CAMSAP1: variants seen among roughly 807,000 people sequenced by gnomAD.
CAMSAP1 encodes the protein calmodulin-regulated spectrin-associated protein 1.
In CAMSAP1, 58 loss-of-function variants were observed where a neutral mutation model predicts 143.5. The observed-to-expected ratio is 0.40, with a 90% confidence interval of 0.33 to 0.50. The LOEUF (loss-of-function observed/expected upper bound fraction) is 0.50. Among genes scored for constraint, CAMSAP1 ranks in the 20% least tolerant of loss-of-function variants. The pLI is 0.45. For missense variants in CAMSAP1, 1,969 were observed against 2,115.7 expected (o/e 0.93, Z 1.36); for synonymous variants, 945 against 859.3 (o/e 1.10, Z -1.74).
intron 4 of CAMSAP1, chr9:135,865,256 G>T: frequency 7.1e-7 from 1 of 1,408,854 alleles, no homozygotes; most frequent in Non-Finnish European, 9.8e-7. Flanking sequence ...TTGGGTGCGA[G>T]CAGTTTTTAA....
At chr9:135,877,154 C>T (rs1028164554) in intron 3 of CAMSAP1, among the ~76,000 whole-genome samples, 4 of 152,090 alleles carry the variant, frequency 2.6e-5, no homozygotes, top group Non-Finnish European at 4.4e-5. Context: ...TGGAACTCTA[C>T]CAAGCACCGA....
intron 1 of CAMSAP1, among the ~76,000 whole-genome samples, chr9:135,894,294 G>A (rs921832614): frequency 6.6e-6 from 1 of 152,124 alleles, no homozygotes; most frequent in African/African-American, 2.4e-5. Flanking sequence ...ACCTGGCCTA[G>A]GAGGCACTCT....
Position 135,837,031 on chromosome 9 carries a change from CAT to C in CAMSAP1, c.1046-9449_1046-9448del, listed in dbSNP as rs541946648. ...TGTTCTAGAGACACACGTCACCACA[CAT>C]GTTCTAGAGACACACATCATCATGC... On this transcript the variant is annotated intron_variant, in intron 7 of 16. Transcript: ENST00000389532. 1.2e-3 allele frequency: 948 copies of C among 809,908 alleles called. 5 individuals are homozygous for C. The highest frequency in any genetic ancestry group is 0.011 in the South Asian group (198 of 17,564). 50.2% of individuals were successfully genotyped at this position (809,908 alleles called of 1,614,324 possible).
chr9:135,869,271 A>G (rs1015223858), intron 3 of CAMSAP1, among the ~76,000 whole-genome samples: 5 of 151,840 alleles, frequency 3.3e-5, no homozygotes, highest in Non-Finnish European at 7.4e-5. Flanking sequence ...GGGAGGCTGA[A>G]GCAGATGGAG....
rs766665362 is a variant in CAMSAP1, at chr9:135,818,985, C to T, written c.3959+25G>A. 10 of 1,601,098 alleles carry T rather than the reference C, an allele frequency of 6.2e-6. No individual in the cohort carries two copies. Among genetic ancestry groups the T allele is most frequent in the Admixed American group, 3.4e-5 (2 of 59,584 alleles). On this transcript the variant is annotated intron_variant, in intron 12 of 16. Transcript: ENST00000389532. The surrounding 1 kb of genome is among the most constrained non-coding windows in gnomAD (Gnocchi z 7.7). ...ACCCACCAGGCTCCTGCTCAGTCTG[C>T]TTTCCCCCCCGGCGGGACGCTTACC...
chr9:135,814,263 C>T (rs181380984), intron 16 of CAMSAP1, among the ~76,000 whole-genome samples: 105 of 152,266 alleles, frequency 6.9e-4, no homozygotes, highest in African/African-American at 2.2e-3. Flanking sequence ...TCAGAAATTC[C>T]GTATGTCACT....
At chr9:135,816,058 A>G in intron 14 of CAMSAP1, 53 bp from the exon 15 acceptor site, 2 of 1,547,018 alleles carry the variant, frequency 1.3e-6, no homozygotes, top group Non-Finnish European at 8.9e-7. Flanking sequence ...GCTTCCTCTC[A>G]CCACTGCTGG....
chr9:135,821,250 A>C lies in CAMSAP1; in HGVS notation c.3411T>G (p.Pro1137=). 2 of 1,608,694 alleles carry C rather than the reference A, an allele frequency of 1.2e-6. No homozygotes were observed. Among genetic ancestry groups the C allele is most frequent in the Non-Finnish European group, 1.7e-6 (2 of 1,179,732 alleles). ...TGGGCGTCCGAGGGTGGCTGCTGGC[A>C]GGGAAGGGTCTCAAGTGCGGGAGCG... is the stretch of plus-strand genomic sequence containing the variant. ...VETLPHLRPF[P]ASSHPRTPTD... The change falls in exon 11 of 17, where the codon CCT becomes CCG. Residue 1137 remains proline, a synonymous_variant. Transcript: ENST00000389532. This position sits in a 1 kb window ranked among gnomAD's most constrained non-coding sequence, Gnocchi z 4.6.
rs1835321057 is a variant in CAMSAP1, at chr9:135,818,415, G to A, written c.4161C>T (p.Ser1387=). The A allele has an allele frequency of 6.3e-7, 1 of 1,580,954 alleles. No homozygotes were observed. Among genetic ancestry groups the A allele is most frequent in the Non-Finnish European group, 8.6e-7 (1 of 1,169,364 alleles). ...AGGGCCGGGGCTGCTTACGGGTGGA[G>A]GAGCACTTGGTGCCGGAGTCGCTGC... is the stretch of plus-strand genomic sequence containing the variant. The part of the protein sequence containing the change: ...ESCSDSGTKC[S]STPDNLSRTQ... The change falls in exon 13 of 17, where the codon TCC becomes TCT. Residue 1387 remains serine (S), a synonymous_variant. Transcript: ENST00000389532. The surrounding 1 kb of genome is among the most constrained non-coding windows in gnomAD (Gnocchi z 7.7).
chr9:135,882,719 C>T lies in CAMSAP1; in HGVS notation c.423+97G>A. On this transcript the variant is annotated intron_variant, in intron 2 of 16. Transcript: ENST00000389532. This position sits in a 1 kb window ranked among gnomAD's most constrained non-coding sequence, Gnocchi z 4.9. ...AGCACGGGTCTCCACCACCTCGCCG[C>T]ACACCGTGTTCACACCATCCATGCA... The T allele has an allele frequency of 7.1e-7, 1 of 1,409,782 alleles. No homozygotes were observed. The highest frequency in any genetic ancestry group is 9.4e-7 in the Non-Finnish European group (1 of 1,059,432). The allele number at this position is 1,409,782 out of a possible 1,614,324, so 87.3% of individuals were successfully genotyped here. A position where few individuals can be genotyped will look rare whatever the true frequency, so the allele number is the denominator to read the frequency against.
At chr9:135,849,667 T>A (rs549227770) in intron 7 of CAMSAP1, among the ~76,000 whole-genome samples, 1 of 152,318 alleles carries the variant, frequency 6.6e-6, no homozygotes, top group South Asian at 2.1e-4. Context: ...CTTTATCATC[T>A]TTCAAGGAAA....
At chr9:135,831,045 G>A (rs923580116) in intron 7 of CAMSAP1, among the ~76,000 whole-genome samples, 4 of 152,058 alleles carry the variant, frequency 2.6e-5, no homozygotes, top group African/African-American at 4.8e-5. Context: ...GGTGGCGGGC[G>A]CCTGTAATCC....
chr9:135,863,238 T>C (rs1171809747), intron 4 of CAMSAP1, among the ~76,000 whole-genome samples: 1 of 152,176 alleles, frequency 6.6e-6, no homozygotes, highest in Non-Finnish European at 1.5e-5. Context: ...TCCATGTTTC[T>C]GCATTTACAG....
chr9:135,832,670 A>C (rs1835893289), intron 7 of CAMSAP1, among the ~76,000 whole-genome samples: 1 of 152,252 alleles, frequency 6.6e-6, no homozygotes, highest in African/African-American at 2.4e-5. Context: ...TGCTAGAACT[A>C]ATCAACGAAT....
At position 135,900,901 on chromosome 9, in the gene CAMSAP1, C is replaced by A. The variant is rs184877970; in HGVS notation, c.160+6099G>T. Among the ~76,000 whole-genome samples, 516 of 152,058 alleles carry A rather than the reference C, an allele frequency of 3.4e-3. 3 individuals carry two copies. The highest frequency in any genetic ancestry group is 0.014 in the Middle Eastern group (4 of 294). On this transcript the variant is annotated intron_variant, in intron 1 of 16. Coordinates refer to ENST00000389532, the MANE Select transcript of CAMSAP1 (RefSeq NM_015447.4). ...TCCTGAGTAGCTGGGATTACAGGCG[C>A]ATGCCACCACACCCAGCTAATTTTG... is the stretch of plus-strand genomic sequence containing the variant.
chr9:135,844,127 C>G (rs753113384), intron 7 of CAMSAP1, among the ~76,000 whole-genome samples: 2 of 152,138 alleles, frequency 1.3e-5, no homozygotes, highest in Non-Finnish European at 2.9e-5. Flanking sequence ...GAACTCTCCA[C>G]CCCAAATCAA....
intron 7 of CAMSAP1, among the ~76,000 whole-genome samples, chr9:135,844,891 G>GA (rs1836497521): frequency 1.3e-5 from 2 of 151,986 alleles, no homozygotes; most frequent in Non-Finnish European, 2.9e-5. Context: ...CCTCCCAACC[G>GA]AAAAAAGCCC....
intron 1 of CAMSAP1, among the ~76,000 whole-genome samples, chr9:135,904,799 T>G (rs1221577749): frequency 6.6e-6 from 1 of 152,066 alleles, no homozygotes; most frequent in Non-Finnish European, 1.5e-5. Flanking sequence ...AACCCGTCTC[T>G]ACGAAAAATA....
At chr9:135,855,868 C>A (rs939043725) in intron 5 of CAMSAP1, among the ~76,000 whole-genome samples, 1 of 151,336 alleles carries the variant, frequency 6.6e-6, no homozygotes, top group Admixed American at 6.6e-5. Flanking sequence ...CTGGCTAACA[C>A]GGTGAAACCC....
Sources: allele counts gnomAD v4.1 joint callset (sites outside exome capture counted in the v4.1 genomes callset), GRCh38; gene constraint gnomAD v4.1.1; non-coding constraint Gnocchi (gnomAD v3.1); transcripts MANE v1.5; gene names NCBI Gene and HGNC (gene_info 2026-07-23, HGNC 2026-07-21).